Variants in ADGB observed in about 807,000 individuals in gnomAD.
ADGB encodes androglobin.
Under a neutral mutation model 210.5 loss-of-function variants are expected in ADGB, and 172 were observed. The ratio of observed to expected loss-of-function variants is 0.82; its 90% CI spans 0.72 to 0.93. The LOEUF (loss-of-function observed/expected upper bound fraction) is 0.93. Ranked by LOEUF, ADGB falls within the 40% of genes least tolerant of loss-of-function variation. The probability of loss-of-function intolerance (pLI) is 0.00; values close to 1 mark genes in which losing one functional copy is unlikely to be tolerated. For synonymous variants in ADGB, 658 were observed against 662.7 expected (o/e 0.99, Z 0.11); for missense variants, 2,025 against 1,964.8 (o/e 1.03, Z -0.58).
At chr6:146,689,401 T>C (rs1292304675) in intron 10 of ADGB, among the ~76,000 whole-genome samples, 1 of 152,152 alleles carries the variant, frequency 6.6e-6, no homozygotes, top group African/African-American at 2.4e-5. Context: ...GTATGTAGAA[T>C]TGCTGTATTT....
In ADGB at chr6:146,752,610, A is replaced by G; in HGVS notation, c.3446A>G (p.Gln1149Arg). The change falls in exon 27 of 36, where the codon CAG (glutamine) becomes CGG (arginine). Residue 1149 changes from glutamine to arginine, a missense_variant. Physicochemically the swap from Gln to Arg is conservative, Grantham distance 43 (BLOSUM62 1). Coordinates refer to ENST00000397944, the MANE Select transcript of ADGB (RefSeq NM_024694.4). ...TSKPDAFIKL[Q>R]VLENEETMVS... ...AAACCAGATGCATTCATCAAGCTGC[A>G]GGTCCTAGAAAATGAAGAAACTATG... 1.3e-6 allele frequency: 2 copies of G among 1,550,996 alleles called. No individual in the cohort carries two copies. The highest frequency in any genetic ancestry group is 8.7e-7 in the Non-Finnish European group (1 of 1,146,470).
At chr6:146,677,310 G>A (rs1287278595) in intron 9 of ADGB, among the ~76,000 whole-genome samples, 2 of 152,094 alleles carry the variant, frequency 1.3e-5, no homozygotes, top group East Asian at 1.9e-4. Flanking sequence ...CTTCCAGAGT[G>A]CAGGTTATCA....
intron 26 of ADGB, 52 bp downstream of exon 26, chr6:146,746,161 T>C (rs1172097535): frequency 7.8e-7 from 1 of 1,282,674 alleles, no homozygotes; most frequent in African/African-American, 1.5e-5. Context: ...ATATTAATAT[T>C]TTAGGATAAA....
intron 12 of ADGB, among the ~76,000 whole-genome samples, chr6:146,693,133 T>C (rs1238930825): frequency 6.6e-6 from 1 of 152,244 alleles, no homozygotes. Flanking sequence ...ACTAATTTCT[T>C]GTGTGTGTTA....
At chr6:146,713,313 A>G (rs1189519856) in intron 13 of ADGB, among the ~76,000 whole-genome samples, 1 of 152,196 alleles carries the variant, frequency 6.6e-6, no homozygotes, top group Non-Finnish European at 1.5e-5. Flanking sequence ...CATTTGAGGA[A>G]CCACCACACT....
intron 33 of ADGB, among the ~76,000 whole-genome samples, chr6:146,799,141 G>T (rs1778087133): frequency 6.7e-6 from 1 of 149,424 alleles, no homozygotes; most frequent in Non-Finnish European, 1.5e-5. Context: ...TACTCATCCT[G>T]ATAAAGACTC....
chr6:146,788,522 T>G lies in ADGB; in HGVS notation c.4449T>G (p.Asp1483Glu), dbSNP rs747132546. 2.4e-5 allele frequency: 37 copies of G among 1,551,590 alleles called. No homozygotes were observed. Among genetic ancestry groups the G allele is most frequent in the Non-Finnish European group, 3.2e-5 (37 of 1,146,912 alleles). Residue 1483 changes from aspartate to glutamate, a missense_variant, in exon 33 of 36, where the codon GAT becomes GAG. Physicochemically the swap from Asp to Glu is conservative, Grantham distance 45 (BLOSUM62 2). Coordinates refer to ENST00000397944, the MANE Select transcript of ADGB (RefSeq NM_024694.4). Reference sequence around the variant, plus strand: ...GGCAATTGACCAAAGGCTTGAGGGATGTGGCAAAATCCACGAGTAGCGAAA... The same window carrying G: ...GGCAATTGACCAAAGGCTTGAGGGAGGTGGCAAAATCCACGAGTAGCGAAA... ...KKWQLTKGLR[D>E]VAKSTSSESG...
intron 29 of ADGB, among the ~76,000 whole-genome samples, chr6:146,780,416 C>T (rs2114642151): frequency 1.3e-5 from 2 of 152,118 alleles, no homozygotes; most frequent in South Asian, 4.2e-4. Flanking sequence ...GGCTGAATGG[C>T]CAACAAACAC....
intron 29 of ADGB, among the ~76,000 whole-genome samples, chr6:146,778,918 G>A (rs1417059621): frequency 6.6e-6 from 1 of 152,146 alleles, no homozygotes; most frequent in African/African-American, 2.4e-5. Context: ...AATTATGACA[G>A]TCAACTTTTT....
intron 13 of ADGB, among the ~76,000 whole-genome samples, chr6:146,711,192 C>T (rs1014528428): frequency 6.6e-6 from 1 of 152,174 alleles, no homozygotes; most frequent in African/African-American, 2.4e-5. Context: ...AATATGATAA[C>T]ATTTCTTACA....
chr6:146,691,637 A>G (rs1212260536), intron 11 of ADGB, among the ~76,000 whole-genome samples: 1 of 141,472 alleles, frequency 7.1e-6, no homozygotes, highest in Non-Finnish European at 1.5e-5. Flanking sequence ...CCTCCTGAGT[A>G]GCTGGAAGCC....
At chr6:146,643,877 T>C (rs116167909) in intron 2 of ADGB, among the ~76,000 whole-genome samples, 2,180 of 152,026 alleles carry the variant, frequency 0.014, 61 homozygotes, top group African/African-American at 0.051. Flanking sequence ...AGAATTATAC[T>C]GACAGAAGAA....
chr6:146,815,300 T>A lies in ADGB; in HGVS notation c.*83T>A. ...CTTTAACTGCCTGCTGTTAAGATAT[T>A]AGGCCAAATGAAAATAGAAATTTCT... is the stretch of plus-strand genomic sequence containing the variant. On this transcript the variant is annotated 3_prime_UTR_variant, in exon 36 of 36. Coordinates refer to ENST00000397944, the MANE Select transcript of ADGB (RefSeq NM_024694.4). The A allele has an allele frequency of 9.4e-7, 1 of 1,068,248 alleles. No individual in the cohort carries two copies. The highest frequency in any genetic ancestry group is 1.3e-6 in the Non-Finnish European group (1 of 797,224). 66.2% of individuals were successfully genotyped at this position (1,068,248 alleles called of 1,614,324 possible). A position where few individuals can be genotyped will look rare whatever the true frequency, so the allele number is the denominator to read the frequency against.
rs1241783506 is a variant in ADGB at position 146,654,118 on chromosome 6, A to G, written c.331-17A>G. ...ATTTTTCTTATGGAGTAATATATAC[A>G]TATATATTTTTTTCAGACTCCAGTA... is the stretch of plus-strand genomic sequence containing the variant. On this transcript the variant is annotated splice_polypyrimidine_tract_variant and intron_variant, in intron 3 of 35. Coordinates refer to ENST00000397944, the MANE Select transcript of ADGB (RefSeq NM_024694.4). 1.5e-5 allele frequency: 20 copies of G among 1,354,982 alleles called. No individual in the cohort carries two copies. Among genetic ancestry groups the G allele is most frequent in the Non-Finnish European group, 2.0e-5 (19 of 972,572 alleles). The allele number at this position is 1,354,982 out of a possible 1,614,324, so 83.9% of individuals were successfully genotyped here. A position where few individuals can be genotyped will look rare whatever the true frequency, so the allele number is the denominator to read the frequency against.
chr6:146,766,664 T>C (rs1011923511), intron 28 of ADGB, among the ~76,000 whole-genome samples: 4 of 152,094 alleles, frequency 2.6e-5, no homozygotes, highest in Non-Finnish European at 4.4e-5. Flanking sequence ...CTTTTGGCTT[T>C]ATAGGATAGG....
intron 35 of ADGB, chr6:146,807,850 A>C (rs1401330945): frequency 9.2e-6 from 2 of 217,922 alleles, no homozygotes; most frequent in East Asian, 2.0e-4. Flanking sequence ...AACTGCCTGC[A>C]TTTTTAATTA....
chr6:146,809,133 G>T (rs1778260381), intron 35 of ADGB, among the ~76,000 whole-genome samples: 2 of 152,072 alleles, frequency 1.3e-5, no homozygotes, highest in African/African-American at 4.8e-5. Context: ...GCCTAGGAGG[G>T]CTAGAAGCAA....
intron 27 of ADGB, among the ~76,000 whole-genome samples, chr6:146,760,608 C>CAATATTGAAA: frequency 6.6e-6 from 1 of 151,930 alleles, no homozygotes. Flanking sequence ...TTTCATTTCA[C>CAATATTGAAA]TTGGATCAAT....
chr6:146,785,785 G>A (rs1020554258), intron 32 of ADGB, 73 bp downstream of exon 32: 1 of 1,111,916 alleles, frequency 9.0e-7, no homozygotes, highest in African/African-American at 1.6e-5. Context: ...AAAATAATCA[G>A]TGGGTTGTGC....
Sources: allele counts gnomAD v4.1 joint callset (sites outside exome capture counted in the v4.1 genomes callset), GRCh38; gene constraint gnomAD v4.1.1; transcripts MANE v1.5; gene names NCBI Gene and HGNC (gene_info 2026-07-23, HGNC 2026-07-21).